STK32B: variants seen among roughly 807,000 people sequenced by gnomAD.
STK32B encodes serine/threonine kinase 32B.
A neutral mutation model predicts 52.6 loss-of-function variants in STK32B; 43 were observed. That is an observed-to-expected ratio of 0.82 (90% CI 0.64 to 1.05). The LOEUF is 1.05. Ranked by LOEUF, STK32B falls within the 50% of genes least tolerant of loss-of-function variation. STK32B has a pLI of 0.00. For synonymous variants in STK32B, 238 were observed against 204.3 expected (o/e 1.17, Z -1.41); for missense variants, 621 against 534.6 (o/e 1.16, Z -1.59).
At chr4:5,145,195 C>T (rs1716816134) in intron 2 of STK32B, among the ~76,000 whole-genome samples, 1 of 152,194 alleles carries the variant, frequency 6.6e-6, no homozygotes, top group Non-Finnish European at 1.5e-5. Context: ...TCTTCCACCT[C>T]CATTCCCAAT....
intron 3 of STK32B, among the ~76,000 whole-genome samples, chr4:5,245,612 A>T (rs1307720764): frequency 1.3e-5 from 2 of 152,122 alleles, no homozygotes; most frequent in African/African-American, 2.4e-5. Context: ...TGATCCTGTC[A>T]TTATGATGTT....
chr4:5,458,296 C>G (rs1013155796), intron 8 of STK32B, among the ~76,000 whole-genome samples: 1 of 151,986 alleles, frequency 6.6e-6, no homozygotes, highest in African/African-American at 2.4e-5. Flanking sequence ...GGAGCTGAGT[C>G]TTGTGTGAGG....
chr4:5,437,841 C>T (rs948369646), intron 6 of STK32B: 48 of 886,798 alleles, frequency 5.4e-5, no homozygotes, highest in Non-Finnish European at 6.5e-5. Context: ...AGTTCTCTCA[C>T]GTCTAAGTGC....
chr4:5,337,722 C>A, intron 4 of STK32B, among the ~76,000 whole-genome samples: 1 of 151,620 alleles, frequency 6.6e-6, no homozygotes, highest in Non-Finnish European at 1.5e-5. Flanking sequence ...AAAAAAAAAA[C>A]TCAGTAAAAA....
chr4:5,325,937 A>G (rs140347567), intron 3 of STK32B, among the ~76,000 whole-genome samples: 1 of 152,360 alleles, frequency 6.6e-6, no homozygotes, highest in Non-Finnish European at 1.5e-5. Flanking sequence ...TTCTCCAGTA[A>G]TAATATTGAG....
chr4:5,238,476 G>A (rs1215684490), intron 3 of STK32B, among the ~76,000 whole-genome samples: 1 of 151,894 alleles, frequency 6.6e-6, no homozygotes, highest in Non-Finnish European at 1.5e-5. Flanking sequence ...CATCTGCAAA[G>A]ACTCTTTTTA....
At chr4:5,295,761 C>G (rs952868796) in intron 3 of STK32B, among the ~76,000 whole-genome samples, 9 of 152,086 alleles carry the variant, frequency 5.9e-5, no homozygotes, top group Non-Finnish European at 7.4e-5. Context: ...TTTCATGTCT[C>G]TATCTCCTTC....
chr4:5,317,108 T>G (rs1188777207), intron 3 of STK32B, among the ~76,000 whole-genome samples: 1 of 39,162 alleles, frequency 2.6e-5, no homozygotes, highest in East Asian at 1.0e-3. Context: ...ATATAATATA[T>G]AATATATATA....
At chr4:5,145,306 G>C (rs888278587) in intron 2 of STK32B, among the ~76,000 whole-genome samples, 1 of 152,034 alleles carries the variant, frequency 6.6e-6, no homozygotes, top group Non-Finnish European at 1.5e-5. Context: ...GCAAATATTT[G>C]TACATTTCTC....
the STK32B span, among the ~76,000 whole-genome samples, chr4:5,031,902 C>T: frequency 6.6e-6 from 1 of 152,168 alleles, no homozygotes; most frequent in Non-Finnish European, 1.5e-5. Context: ...GCTGGTCGCT[C>T]TCACCAGATC....
At chr4:5,368,645 C>G (rs779925456) in intron 4 of STK32B, among the ~76,000 whole-genome samples, 7 of 152,176 alleles carry the variant, frequency 4.6e-5, no homozygotes, top group African/African-American at 1.7e-4. Context: ...GGCCTCATCT[C>G]TCATGAGTCA....
intron 11 of STK32B, among the ~76,000 whole-genome samples, chr4:5,493,115 C>A (rs1199183323): frequency 1.3e-5 from 2 of 149,242 alleles, no homozygotes; most frequent in Non-Finnish European, 2.9e-5. Context: ...GGGAGGATTC[C>A]CTCTTTTTCT....
chr4:5,310,181 G>T (rs557683908), intron 3 of STK32B, among the ~76,000 whole-genome samples: 1 of 152,002 alleles, frequency 6.6e-6, no homozygotes, highest in African/African-American at 2.4e-5. Context: ...TCAAAAAAGA[G>T]AAATAAGTTT....
chr4:5,490,657 T>A (rs1338291511), intron 11 of STK32B, among the ~76,000 whole-genome samples: 1 of 151,990 alleles, frequency 6.6e-6, no homozygotes, highest in African/African-American at 2.4e-5. Flanking sequence ...CATGTGCCAT[T>A]TTGGTTGCTG....
At position 5,357,868 on chromosome 4, in the gene STK32B, A is replaced by G. The variant is rs116648828; in HGVS notation, c.434+26475A>G. ...TCACTGTACCAAAAATAAATTGCCA[A>G]TTGTCATCTGGTTAAAGAACGACTT... On this transcript the variant is annotated intron_variant, in intron 4 of 11. Transcript: ENST00000282908. Among the ~76,000 whole-genome samples, 678 of 152,186 alleles carry G rather than the reference A, an allele frequency of 4.5e-3. 4 individuals are homozygous for G. Among genetic ancestry groups the G allele is most frequent in the African/African-American group, 0.016 (647 of 41,520 alleles).
At chr4:5,484,924 T>C (rs1161864191) in intron 11 of STK32B, among the ~76,000 whole-genome samples, 1 of 152,220 alleles carries the variant, frequency 6.6e-6, no homozygotes. Context: ...GCCCCCACTC[T>C]CTTTTGGCTT....
chr4:5,059,824 A>C (rs113241491), intron 1 of STK32B, among the ~76,000 whole-genome samples: 3,600 of 152,282 alleles, frequency 0.024, 141 homozygotes, highest in African/African-American at 0.082. Flanking sequence ...AATAATAATA[A>C]TACTCTACAA....
In STK32B at chr4:5,400,707, A is replaced by G. The variant is rs1201539378; in HGVS notation, c.472+2463A>G. On this transcript the variant is annotated intron_variant, in intron 5 of 11. Transcript: ENST00000282908. This position sits in a 1 kb window ranked among gnomAD's most constrained non-coding sequence, Gnocchi z 6.1. ...TTCTGGGGAGAGAAGAGAAAGAGAG[A>G]ATTCTATGCCCATGGCCCTCCTTTA... Among the ~76,000 whole-genome samples the G allele has an allele frequency of 1.3e-5, 2 of 152,146 alleles. No homozygotes were observed. The highest frequency in any genetic ancestry group is 1.3e-4 in the Admixed American group (2 of 15,276).
intron 4 of STK32B, among the ~76,000 whole-genome samples, chr4:5,385,506 G>A (rs1281487427): frequency 6.6e-6 from 1 of 152,000 alleles, no homozygotes; most frequent in African/African-American, 2.4e-5. Context: ...TCCCACAAGT[G>A]GAGATGGCTA....
Sources: gnomAD v4.1 joint callset for allele counts (sites outside exome capture counted in the v4.1 genomes callset) on GRCh38, gnomAD v4.1.1 for gene constraint, Gnocchi (gnomAD v3.1) non-coding constraint, MANE v1.5 for transcripts, NCBI Gene and HGNC (gene_info 2026-07-23, HGNC 2026-07-21) for gene names.